LONRF1: variants seen among roughly 807,000 people sequenced by gnomAD.
LONRF1 encodes LON peptidase N-terminal domain and ring finger 1.
In LONRF1, 37 loss-of-function variants were observed where a neutral mutation model predicts 85.8. The observed-to-expected ratio is 0.43, with a 90% confidence interval of 0.33 to 0.57. The LOEUF is 0.57. Among genes scored for constraint, LONRF1 ranks in the 20% least tolerant of loss-of-function variants. The probability of loss-of-function intolerance (pLI) is 0.04; values close to 1 mark genes in which losing one functional copy is unlikely to be tolerated. For missense variants in LONRF1, 1,036 were observed against 978.0 expected, an observed-to-expected ratio of 1.06 and a Z score of -0.79; for synonymous variants, 517 against 390.1, an observed-to-expected ratio of 1.33 and a Z score of -3.83.
At chr8:12,726,724 C>T (rs748675184) in intron 10 of LONRF1, among the ~76,000 whole-genome samples, 1 of 152,114 alleles carries the variant, frequency 6.6e-6, no homozygotes, top group African/African-American at 2.4e-5. Flanking sequence ...GAAAAAATAC[C>T]AGGCCTGACT....
At chr8:12,741,874 A>G (rs940907746) in intron 2 of LONRF1, among the ~76,000 whole-genome samples, 4 of 148,916 alleles carry the variant, frequency 2.7e-5, no homozygotes, top group East Asian at 2.0e-4. Flanking sequence ...CAAAAATTAG[A>G]GTCCTACTAA....
chr8:12,739,317 G>A, intron 3 of LONRF1, among the ~76,000 whole-genome samples: 1 of 107,254 alleles, frequency 9.3e-6, no homozygotes, highest in African/African-American at 3.5e-5. Context: ...AAAATGACTA[G>A]ATGTATCTAA....
At chr8:12,732,872 G>A (rs146615627) in intron 7 of LONRF1, among the ~76,000 whole-genome samples, 87 of 152,272 alleles carry the variant, frequency 5.7e-4, no homozygotes, top group African/African-American at 2.0e-3. Flanking sequence ...TAAAATTAGT[G>A]AGGAAAACCT....
rs967376289 is a variant in LONRF1, at chr8:12,722,498, C to T, written c.*598G>A. ...TGCAAGTATTTACATAAATAAGAAA[C>T]TGTGTCATAGTCAATGGTCAAGACA... On this transcript the variant is annotated 3_prime_UTR_variant, in exon 12 of 12. Transcript: ENST00000398246. 2.6e-5 allele frequency: 4 copies of T among 152,624 alleles called. No individual in the cohort carries two copies. Among genetic ancestry groups the T allele is most frequent in the African/African-American group, 4.8e-5 (2 of 41,448 alleles). The allele number at this position is 152,624 out of a possible 1,614,324, so 9.5% of individuals were successfully genotyped here.
chr8:12,731,308 C>A (rs1798520349), intron 8 of LONRF1, among the ~76,000 whole-genome samples: 1 of 152,184 alleles, frequency 6.6e-6, no homozygotes, highest in Admixed American at 6.5e-5. Context: ...AATCTCAGAT[C>A]TCAAAGTTTG....
intron 1 of LONRF1, among the ~76,000 whole-genome samples, chr8:12,748,383 G>A (rs746495007): frequency 8.3e-6 from 1 of 120,636 alleles, no homozygotes; most frequent in African/African-American, 2.6e-5. Context: ...TTTTTGTACA[G>A]ATACGGTACC....
Position 12,755,089 on chromosome 8 carries a change from G to C in LONRF1, c.332C>G (p.Ala111Gly). 6.8e-7 allele frequency: 1 copy of C among 1,471,134 alleles called. No individual in the cohort carries two copies. Among genetic ancestry groups the C allele is most frequent in the African/African-American group, 1.5e-5 (1 of 68,190 alleles). 91.1% of individuals were successfully genotyped at this position (1,471,134 alleles called of 1,614,324 possible). ...HGLGWSAAPV[A>G]GADGGAGGLL... is the part of the protein sequence containing the mutation. The stretch of plus-strand genomic sequence containing the variant: ...CCCGCCGGCGCCGCCGTCAGCGCCT[G>C]CAACCGGGGCCGCGCTCCAGCCCAG... Residue 111 changes from alanine (A) to glycine (G), a missense_variant, in exon 1 of 12, where the codon GCA (alanine) becomes GGA (glycine). This residue lies in a region of LONRF1 where 742 missense variants were observed against 614.4 expected (regional missense o/e 1.21). Transcript: ENST00000398246.
chr8:12,752,994 T>C (rs1343178724), intron 1 of LONRF1: 1 of 152,288 alleles, frequency 6.6e-6, no homozygotes, highest in African/African-American at 2.4e-5. Flanking sequence ...CTTCACTGCC[T>C]GGCATCTGCT....
chr8:12,726,452 T>A (rs951977856), intron 10 of LONRF1, among the ~76,000 whole-genome samples: 1 of 152,206 alleles, frequency 6.6e-6, no homozygotes, highest in African/African-American at 2.4e-5. Flanking sequence ...TACACAATGA[T>A]GAGCTTCTGC....
intron 7 of LONRF1, 102 bp from the exon 8 acceptor site, chr8:12,731,959 A>C: frequency 7.3e-6 from 8 of 1,091,076 alleles, no homozygotes; most frequent in Non-Finnish European, 1.1e-5. Flanking sequence ...ACATACTTAT[A>C]CCATCAATTC....
intron 11 of LONRF1, among the ~76,000 whole-genome samples, chr8:12,724,619 C>A (rs1325561772): frequency 6.6e-6 from 1 of 152,102 alleles, no homozygotes; most frequent in Middle Eastern, 3.2e-3. Context: ...TAACAGAAAG[C>A]AGTGATACAG....
intron 1 of LONRF1, among the ~76,000 whole-genome samples, chr8:12,751,300 T>TTTTTTTTTTTGTTTG (rs1554469352): frequency 1.2e-4 from 10 of 83,784 alleles, no homozygotes; most frequent in African/African-American, 1.9e-4. Flanking sequence ...TTTTATGTTT[T>TTTTTTTTTTTGTTTG]TTTTTTTTTT....
chr8:12,738,022 C>T lies in LONRF1; in HGVS notation c.1086G>A (p.Gln362=). Residue 362 remains glutamine, a synonymous_variant, in exon 4 of 12, where the codon CAG becomes CAA. Coordinates refer to ENST00000398246, the MANE Select transcript of LONRF1 (RefSeq NM_152271.5). ...FDFHSVMEES[Q]SLNEPSPKQS... ...GCTTTGGGCTAGGTTCATTGAGAGA[C>T]TGAGACTCTTCCATCACTGAATGAA... 1 of 1,610,374 alleles carries T rather than the reference C, an allele frequency of 6.2e-7. No individual in the cohort carries two copies.
intron 1 of LONRF1, among the ~76,000 whole-genome samples, chr8:12,744,637 C>A (rs555634717): frequency 1.3e-5 from 2 of 152,260 alleles, no homozygotes; most frequent in East Asian, 1.9e-4. Flanking sequence ...TCATGCAATA[C>A]TGACTTGTCA....
intron 6 of LONRF1, 107 bp from the exon 7 acceptor site, chr8:12,735,507 GA>G: frequency 1.4e-6 from 1 of 721,964 alleles, no homozygotes; most frequent in Non-Finnish European, 2.4e-6. Flanking sequence ...GAGGAAGAAG[GA>G]GGGCCCAGCA....
At chr8:12,734,493 G>C (rs888352316) in intron 7 of LONRF1, among the ~76,000 whole-genome samples, 1 of 152,118 alleles carries the variant, frequency 6.6e-6, no homozygotes, top group African/African-American at 2.4e-5. Context: ...TTGCCTCTCA[G>C]AATCACAGGC....
At position 12,736,815 on chromosome 8, in the gene LONRF1, T is replaced by C. The variant is rs1585237012; in HGVS notation, c.1355-18A>G. The stretch of plus-strand genomic sequence containing the variant: ...GGGAGTTTCTATTAAAACAAAGACA[T>C]GGGGTTTTCTTCCTTAGGAAAAACT... On this transcript the variant is annotated intron_variant, in intron 5 of 11. Coordinates refer to ENST00000398246, the MANE Select transcript of LONRF1 (RefSeq NM_152271.5). 6.3e-6 allele frequency: 10 copies of C among 1,591,828 alleles called. No homozygotes were observed. In the South Asian group the frequency reaches 8.0e-5, roughly 13 times the overall value.
At chr8:12,751,303 T>TTTTTTTTGTTTTTTTG (rs1563160616) in intron 1 of LONRF1, among the ~76,000 whole-genome samples, 1 of 95,948 alleles carries the variant, frequency 1.0e-5, no homozygotes, top group African/African-American at 3.3e-5. Flanking sequence ...TATGTTTTTT[T>TTTTTTTTGTTTTTTTG]TTTTTTTTTT....
intron 1 of LONRF1, chr8:12,753,916 A>T (rs1799515975): frequency 6.6e-6 from 1 of 152,242 alleles, no homozygotes; most frequent in Non-Finnish European, 1.5e-5. Context: ...TCTTTACCAT[A>T]AGCTAGGTGC....
Sources: gnomAD v4.1 joint callset for allele counts (sites outside exome capture counted in the v4.1 genomes callset) on GRCh38, gnomAD v4.1.1 for gene constraint, gnomAD v4.1.1 regional missense constraint, MANE v1.5 for transcripts, NCBI Gene and HGNC (gene_info 2026-07-23, HGNC 2026-07-21) for gene names.